RTL4: variants seen among roughly 807,000 people sequenced by gnomAD.
RTL4 encodes the protein retrotransposon Gag like 4.
RTL4 carries 4 observed loss-of-function variants against 5.3 expected under a neutral mutation model. The ratio of observed to expected loss-of-function variants is 0.75; its 90% confidence interval spans 0.37 to 1.72. The LOEUF (loss-of-function observed/expected upper bound fraction) is 1.72. Ranked by LOEUF, RTL4 falls within the 40% of genes most tolerant of loss-of-function variation. RTL4 has a pLI of 0.04. For missense variants in RTL4, 260 were observed against 227.1 expected (o/e 1.14, Z -0.93); for synonymous variants, 98 against 87.3 (o/e 1.12, Z -0.68).
chrX:112,341,261 T>A, the RTL4 span, among the ~76,000 whole-genome samples: 1 of 110,732 alleles, frequency 9.0e-6, no homozygotes, highest in African/African-American at 3.3e-5. Context: ...ACTCTGGCAA[T>A]AAAATAAGTT....
chrX:112,453,416 A>G (rs1428002406), upstream of RTL4, among the ~76,000 whole-genome samples: 1 of 112,195 alleles, frequency 8.9e-6, no homozygotes, highest in African/African-American at 3.2e-5. Context: ...TTTGTTATCA[A>G]TGCTGGAAAG....
chrX:112,455,418 C>G (rs1449405311), exon 1 of RTL4: 1 of 1,211,031 alleles, frequency 8.3e-7, no homozygotes, highest in Non-Finnish European at 1.1e-6. Context: ...AGTCAGAGAC[C>G]CAGCTCCCAT....
the RTL4 span, among the ~76,000 whole-genome samples, chrX:112,326,425 C>T: frequency 6.3e-5 from 7 of 111,523 alleles, no homozygotes; most frequent in South Asian, 3.8e-4. Flanking sequence ...CACTTCCACC[C>T]GAATACTGCG....
chrX:112,184,233 A>G, the RTL4 span, among the ~76,000 whole-genome samples: 1 of 108,827 alleles, frequency 9.2e-6, no homozygotes, highest in East Asian at 2.9e-4. Flanking sequence ...GGATAGCATT[A>G]GGAGATATAT....
the RTL4 span, among the ~76,000 whole-genome samples, chrX:112,125,894 C>T: frequency 8.9e-6 from 1 of 112,174 alleles, no homozygotes; most frequent in East Asian, 2.8e-4. Context: ...AGCTCCAAAG[C>T]CACTTTTGTC....
chrX:112,088,965 C>T, the RTL4 span, among the ~76,000 whole-genome samples: 1 of 112,044 alleles, frequency 8.9e-6, no homozygotes, highest in Non-Finnish European at 1.9e-5. Flanking sequence ...ATAAACTAGT[C>T]CCTTATCCAA....
the RTL4 span, among the ~76,000 whole-genome samples, chrX:112,361,473 T>C: frequency 9.0e-6 from 1 of 111,364 alleles, no homozygotes; most frequent in Admixed American, 9.6e-5. Context: ...TTTTCATCCT[T>C]TTTATTTCAA....
chrX:112,172,901 A>G, the RTL4 span, among the ~76,000 whole-genome samples: 1 of 109,985 alleles, frequency 9.1e-6, no homozygotes, highest in Admixed American at 9.7e-5. Flanking sequence ...AAACTAATGC[A>G]GGAACAGAAA....
the RTL4 span, among the ~76,000 whole-genome samples, chrX:112,242,056 T>G: frequency 4.5e-5 from 5 of 111,774 alleles, no homozygotes; most frequent in African/African-American, 1.3e-4. Flanking sequence ...TTGGTCTATA[T>G]CTCTGTTTTG....
the RTL4 span, among the ~76,000 whole-genome samples, chrX:112,436,725 C>T: frequency 5.4e-5 from 6 of 110,132 alleles, no homozygotes; most frequent in Admixed American, 9.7e-5. Flanking sequence ...GCTTCTCCAG[C>T]GCCCCAGATG....
chrX:112,282,124 C>T, the RTL4 span, among the ~76,000 whole-genome samples: 1 of 112,402 alleles, frequency 8.9e-6, no homozygotes, highest in African/African-American at 3.2e-5. Context: ...TTAGGTCTCA[C>T]ATTTAAGTCT....
At chrX:112,110,040 G>A in the RTL4 span, among the ~76,000 whole-genome samples, 2 of 112,168 alleles carry the variant, frequency 1.8e-5, no homozygotes, top group Admixed American at 1.9e-4. Flanking sequence ...CCGAAGGCGA[G>A]TAATAGCAAG....
chrX:112,159,955 C>T, the RTL4 span, among the ~76,000 whole-genome samples: 1 of 111,469 alleles, frequency 9.0e-6, no homozygotes, highest in Non-Finnish European at 1.9e-5. Context: ...TGGAGTCTCT[C>T]TTTCTCAGCT....
the RTL4 span, among the ~76,000 whole-genome samples, chrX:112,319,355 T>C: frequency 3.6e-5 from 4 of 111,909 alleles, no homozygotes; most frequent in East Asian, 1.1e-3. Context: ...CCATTCAAAA[T>C]TTTAAGAGCA....
At chrX:112,241,455 A>AT in the RTL4 span, among the ~76,000 whole-genome samples, 2 of 111,624 alleles carry the variant, frequency 1.8e-5, no homozygotes, top group Middle Eastern at 4.6e-3. Flanking sequence ...GATGATGAGC[A>AT]TTTTTTTCAT....
the RTL4 span, among the ~76,000 whole-genome samples, chrX:112,303,526 A>T: frequency 2.1e-5 from 2 of 95,830 alleles, no homozygotes; most frequent in African/African-American, 7.9e-5. Flanking sequence ...CAAACACCGC[A>T]TGTTCTCACT....
chrX:112,155,156 G>T, the RTL4 span, among the ~76,000 whole-genome samples: 6 of 110,268 alleles, frequency 5.4e-5, no homozygotes, highest in East Asian at 1.7e-3. Flanking sequence ...ATAAATTTCT[G>T]TTTTTTGTAA....
At chrX:112,310,632 T>C in the RTL4 span, among the ~76,000 whole-genome samples, 8 of 61,094 alleles carry the variant, frequency 1.3e-4, no homozygotes, top group Non-Finnish European at 1.6e-4. Flanking sequence ...ATATTATGTT[T>C]ATATATTATA....
the RTL4 span, among the ~76,000 whole-genome samples, chrX:112,130,017 T>G: frequency 8.9e-6 from 1 of 111,766 alleles, no homozygotes; most frequent in African/African-American, 3.2e-5. Flanking sequence ...TATATTGTTT[T>G]TATGAATCAG....
Sources: gnomAD v4.1 joint callset for allele counts (sites outside exome capture counted in the v4.1 genomes callset) on GRCh38, gnomAD v4.1.1 for gene constraint, MANE v1.5 for transcripts, NCBI Gene and HGNC (gene_info 2026-07-23, HGNC 2026-07-21) for gene names.